The following SSPN variants were observed in gnomAD, a reference collection of about 807,000 sequenced individuals.
SSPN encodes sarcospan, also known as K-ras oncogene-associated protein.
SSPN carries 15 observed loss-of-function variants against 19.1 expected under a neutral mutation model. The ratio of observed to expected loss-of-function variants is 0.78; its 90% confidence interval spans 0.52 to 1.21. The LOEUF (loss-of-function observed/expected upper bound fraction) is 1.21. SSPN is among the 50% of genes most tolerant of loss of function. SSPN has a pLI of 0.00. For missense variants in SSPN, 291 were observed against 314.0 expected (o/e 0.93, Z 0.55); for synonymous variants, 147 against 140.3 (o/e 1.05, Z -0.34).
rs909670148 is a variant in SSPN, at chr12:26,231,819, C to T, written c.*743C>T. 13 of 478,970 alleles carry T rather than the reference C, an allele frequency of 2.7e-5. No homozygotes were observed. The highest frequency in any genetic ancestry group is 1.3e-4 in the Admixed American group (2 of 15,634). The allele number at this position is 478,970 out of a possible 1,614,324, so 29.7% of individuals were successfully genotyped here. ...AAGGTTTAAAAATAATTACATTATG[C>T]TTCTATTCTATCATCTAAAACAAAT... On this transcript the variant is annotated 3_prime_UTR_variant, in exon 3 of 3. Coordinates refer to ENST00000242729, the MANE Select transcript of SSPN (RefSeq NM_005086.5).
chr12:26,230,654 C>G, intron 2 of SSPN, 57 bp from the exon 3 acceptor site: 1 of 1,526,190 alleles, frequency 6.6e-7, no homozygotes, highest in South Asian at 1.3e-5. Context: ...ATTCGCTTTG[C>G]AAATCATCAT....
chr12:26,123,627 T>C, intron 1 of SSPN: 3 of 1,608,948 alleles, frequency 1.9e-6, no homozygotes, highest in African/African-American at 1.3e-5. Context: ...TGAACTGACT[T>C]ACCATTCTGT....
chr12:26,203,317 A>G (rs1360762915), intron 1 of SSPN, among the ~76,000 whole-genome samples: 2 of 152,228 alleles, frequency 1.3e-5, no homozygotes, highest in African/African-American at 2.4e-5. Flanking sequence ...TGGTCAAAAA[A>G]TGTCCATCAA....
At chr12:26,212,814 A>G (rs1945004479) in intron 1 of SSPN, among the ~76,000 whole-genome samples, 1 of 152,160 alleles carries the variant, frequency 6.6e-6, no homozygotes, top group Non-Finnish European at 1.5e-5. Context: ...TCACAGTGAA[A>G]AAGAAGCTTC....
chr12:26,161,855 G>A (rs746709553), intron 1 of SSPN, among the ~76,000 whole-genome samples: 3 of 152,188 alleles, frequency 2.0e-5, no homozygotes, highest in Non-Finnish European at 4.4e-5. Flanking sequence ...ATGGTCCTAT[G>A]AGAATCTAAT....
intron 1 of SSPN, among the ~76,000 whole-genome samples, chr12:26,201,024 T>TAAAAA (rs1196566391): frequency 6.1e-4 from 19 of 31,310 alleles, no homozygotes; most frequent in African/African-American, 3.7e-3. Flanking sequence ...TATATATATA[T>TAAAAA]ATATATATAT....
intron 1 of SSPN, among the ~76,000 whole-genome samples, chr12:26,209,548 T>C (rs1042990347): frequency 6.6e-6 from 1 of 152,106 alleles, no homozygotes; most frequent in Non-Finnish European, 1.5e-5. Flanking sequence ...TTTTCCCTTC[T>C]TCATTTAGGT....
At chr12:26,209,447 C>T (rs1405959408) in intron 1 of SSPN, among the ~76,000 whole-genome samples, 2 of 151,986 alleles carry the variant, frequency 1.3e-5, no homozygotes, top group Non-Finnish European at 2.9e-5. Flanking sequence ...CTTATTCTCC[C>T]TCCATATTTC....
At chr12:26,201,021 A>AATATATATATAT (rs1944874167) in intron 1 of SSPN, among the ~76,000 whole-genome samples, 4 of 43,772 alleles carry the variant, frequency 9.1e-5, no homozygotes, top group African/African-American at 5.6e-4. Flanking sequence ...GTATATATAT[A>AATATATATATAT]TATATATATA....
intron 1 of SSPN, among the ~76,000 whole-genome samples, chr12:26,166,456 GATTGTAC>G (rs1322145581): frequency 2.6e-5 from 4 of 152,216 alleles, no homozygotes; most frequent in African/African-American, 4.8e-5. Flanking sequence ...AAAACTGGCT[GATTGTAC>G]ATTGTACATT....
chr12:26,139,888 C>G (rs77201733), intron 1 of SSPN, among the ~76,000 whole-genome samples: 1,554 of 152,256 alleles, frequency 0.01, 20 homozygotes, highest in African/African-American at 0.023. Context: ...GAAGCGGACA[C>G]TCTTTGCCAG....
intron 1 of SSPN, among the ~76,000 whole-genome samples, chr12:26,214,027 T>C (rs1049958609): frequency 1.3e-5 from 2 of 152,186 alleles, no homozygotes; most frequent in Non-Finnish European, 2.9e-5. Flanking sequence ...GACTGAGTGC[T>C]TATATTTACA....
chr12:26,205,958 C>T (rs16930331), intron 1 of SSPN, among the ~76,000 whole-genome samples: 11,923 of 152,204 alleles, frequency 0.078, 753 homozygotes, highest in East Asian at 0.3. Flanking sequence ...TAAAGGGCTT[C>T]GGTGTGCATT....
At chr12:26,141,606 C>T (rs1487457192) in intron 1 of SSPN, among the ~76,000 whole-genome samples, 1 of 152,166 alleles carries the variant, frequency 6.6e-6, no homozygotes, top group Non-Finnish European at 1.5e-5. Flanking sequence ...CAAAAAGGCA[C>T]CACCACCACC....
At chr12:26,122,051 T>G in exon 1 of SSPN, 1 of 1,549,146 alleles carries the variant, frequency 6.5e-7, no homozygotes, top group Non-Finnish European at 8.7e-7. Context: ...CCTCCGTCCT[T>G]CGGGACGCAA....
chr12:26,222,852 C>T (rs74439557), intron 1 of SSPN, among the ~76,000 whole-genome samples: 1,739 of 152,334 alleles, frequency 0.011, 28 homozygotes, highest in African/African-American at 0.039. Flanking sequence ...CTTTTTGTCA[C>T]TGATACACCA....
chr12:26,122,913 G>C (rs1374902730), intron 1 of SSPN: 1 of 1,550,054 alleles, frequency 6.5e-7, no homozygotes, highest in South Asian at 1.2e-5. Context: ...CAGGCAGGGG[G>C]CGGCCGCGGA....
intron 1 of SSPN, among the ~76,000 whole-genome samples, chr12:26,188,910 T>A (rs1944770586): frequency 6.6e-6 from 1 of 152,156 alleles, no homozygotes; most frequent in African/African-American, 2.4e-5. Context: ...ATAAGTGCAA[T>A]GTACTTATGC....
chr12:26,233,164 A>T lies in SSPN; in HGVS notation c.*2088A>T, dbSNP rs1945252543. On this transcript the variant is annotated 3_prime_UTR_variant, in exon 3 of 3. Transcript: ENST00000242729. The surrounding 1 kb of genome is among the most constrained non-coding windows in gnomAD (Gnocchi z 4.3). ...GTGAACACTACAAGTTTTTATATTT[A>T]AAAATTAAGACTCTGTATATCCTTA... 1 of 152,118 alleles carries T rather than the reference A, an allele frequency of 6.6e-6. No individual in the cohort carries two copies. Among genetic ancestry groups the T allele is most frequent in the Non-Finnish European group, 1.5e-5 (1 of 68,020 alleles). The allele number at this position is 152,118 out of a possible 1,614,324, so 9.4% of individuals were successfully genotyped here. A position where few individuals can be genotyped will look rare whatever the true frequency, so the allele number is the denominator to read the frequency against.
Sources: allele counts gnomAD v4.1 joint callset (sites outside exome capture counted in the v4.1 genomes callset), GRCh38; gene constraint gnomAD v4.1.1; non-coding constraint Gnocchi (gnomAD v3.1); transcripts MANE v1.5; gene names NCBI Gene and HGNC (gene_info 2026-07-23, HGNC 2026-07-21).